EPG5: variants seen among roughly 807,000 people sequenced by gnomAD.
EPG5 encodes ectopic P granules protein 5 homolog.
A neutral mutation model predicts 302.7 loss-of-function variants in EPG5; 159 were observed. The observed-to-expected ratio is 0.53, with a 90% CI of 0.46 to 0.60. The LOEUF is 0.60. EPG5 is among the 20% of genes least tolerant of loss of function. EPG5 has a pLI of 0.00. For synonymous variants in EPG5, 1,158 were observed against 1,136.8 expected, an observed-to-expected ratio of 1.02 and a Z score of -0.37; for missense variants, 2,896 against 3,092.4, an observed-to-expected ratio of 0.94 and a Z score of 1.51.
intron 19 of EPG5, 143 bp from the exon 20 acceptor site, chr18:45,915,764 A>G (rs555072828): frequency 2.8e-5 from 21 of 749,078 alleles, no homozygotes; most frequent in African/African-American, 2.6e-4. Context: ...ACCAGCAGCA[A>G]TAGTCCAAGG....
At chr18:45,928,759 T>C (rs2050331331) in intron 13 of EPG5, 110 bp downstream of exon 13, 2 of 1,026,644 alleles carry the variant, frequency 1.9e-6, no homozygotes, top group Non-Finnish European at 2.8e-6. Context: ...CCTTTTATCC[T>C]GTTTATACCC....
intron 2 of EPG5, chr18:45,953,171 T>TA (rs1182108044): frequency 6.6e-4 from 349 of 529,752 alleles, no homozygotes; most frequent in Middle Eastern, 1.9e-3. Flanking sequence ...AGACTCCATC[T>TA]AAAAAAAAAG....
chr18:45,873,100 TTTC>T (rs2048904945), intron 35 of EPG5, among the ~76,000 whole-genome samples: 1 of 152,246 alleles, frequency 6.6e-6, no homozygotes, highest in African/African-American at 2.4e-5. Flanking sequence ...TCCTGTTTCC[TTTC>T]TTTGAACCCA....
In EPG5 at chr18:45,870,736, A is replaced by G. The variant is rs1327476156; in HGVS notation, c.6056T>C (p.Leu2019Pro). The G allele has an allele frequency of 5.0e-6, 8 of 1,600,490 alleles. No individual in the cohort carries two copies. The highest frequency in any genetic ancestry group is 6.8e-6 in the Non-Finnish European group (8 of 1,170,132). Residue 2019 changes from leucine to proline, a missense_variant, in exon 36 of 44, where the codon CTG (leucine) becomes CCG (proline). Physicochemically the swap from Leu to Pro is moderately conservative, Grantham distance 98. Transcript: ENST00000282041. ...DSLHESFKDK[L>P]LPGDAGALWL... The stretch of plus-strand genomic sequence containing the variant: ...AAGGGCTCCTGCATCACCTGGCAAC[A>G]GCTTATCTAGAATGTGAAAAGAAAA...
intron 25 of EPG5, among the ~76,000 whole-genome samples, chr18:45,903,118 T>C (rs529968707): frequency 6.6e-6 from 1 of 152,340 alleles, no homozygotes; most frequent in African/African-American, 2.4e-5. Context: ...CATATATTTC[T>C]TCTTCTTAAC....
chr18:45,921,780 G>C (rs1156247243), intron 16 of EPG5, among the ~76,000 whole-genome samples: 1 of 152,004 alleles, frequency 6.6e-6, no homozygotes. Flanking sequence ...CCTGGACATA[G>C]AGCAGGGAAC....
At chr18:45,871,183 C>A (rs1391112544) in intron 35 of EPG5, among the ~76,000 whole-genome samples, 1 of 152,176 alleles carries the variant, frequency 6.6e-6, no homozygotes, top group Admixed American at 6.5e-5. Context: ...AAGAAATGCT[C>A]AGCATCACTG....
chr18:45,963,786 A>C (rs1350308254), intron 1 of EPG5, among the ~76,000 whole-genome samples: 2 of 152,200 alleles, frequency 1.3e-5, no homozygotes, highest in Non-Finnish European at 2.9e-5. Flanking sequence ...GGTTTTGAGG[A>C]GAGTAACATG....
intron 13 of EPG5, among the ~76,000 whole-genome samples, chr18:45,927,590 TTA>T (rs1231714347): frequency 0.018 from 687 of 38,648 alleles, 6 homozygotes; most frequent in African/African-American, 0.06. Flanking sequence ...AAACAAAAAG[TTA>T]TACACACACA....
chr18:45,866,109 C>T (rs760351680), intron 38 of EPG5, among the ~76,000 whole-genome samples: 2 of 150,224 alleles, frequency 1.3e-5, no homozygotes, highest in Non-Finnish European at 2.9e-5. Context: ...CACTTTGAGA[C>T]AAGGTACTAT....
At chr18:45,892,558 T>A (rs1485094077) in intron 27 of EPG5, among the ~76,000 whole-genome samples, 4 of 152,138 alleles carry the variant, frequency 2.6e-5, no homozygotes, top group Non-Finnish European at 5.9e-5. Flanking sequence ...TGATAATAAA[T>A]CAATCCTGGG....
chr18:45,908,301 A>T (rs1295739670), intron 23 of EPG5, among the ~76,000 whole-genome samples: 1 of 152,130 alleles, frequency 6.6e-6, no homozygotes, highest in Non-Finnish European at 1.5e-5. Flanking sequence ...TGCTAAAACA[A>T]AAGGTATGAA....
At position 45,876,256 on chromosome 18, in the gene EPG5, G is replaced by A; in HGVS notation, c.6029C>T (p.Ser2010Leu). Residue 2010 changes from serine (S) to leucine (L), a missense_variant, in exon 35 of 44, where the codon TCA (serine) becomes TTA (leucine). Physicochemically the swap from Ser to Leu is moderately radical, Grantham distance 145. Around this residue, in one of 5 missense-constraint regions of EPG5, gnomAD observed 620 missense variants for 704.2 expected, o/e 0.88. Transcript: ENST00000282041. ...CCTACCTTTAAAACTCTCATGCAGT[G>A]AGTCAATACAGTCAGTGAACAGCTG... ...IVQLFTDCID[S>L]LHESFKDKLL... 6.2e-7 allele frequency: 1 copy of A among 1,613,300 alleles called. No individual in the cohort carries two copies. The highest frequency in any genetic ancestry group is 8.5e-7 in the Non-Finnish European group (1 of 1,179,274).
At chr18:45,839,394 C>A in the EPG5 span, among the ~76,000 whole-genome samples, 3 of 152,208 alleles carry the variant, frequency 2.0e-5, no homozygotes, top group African/African-American at 7.2e-5. Flanking sequence ...TGCTACCACC[C>A]GGTAAACGAT....
chr18:45,915,651 G>C lies in EPG5; in HGVS notation c.3583-30C>G, dbSNP rs376673752. 1.1e-5 allele frequency: 17 copies of C among 1,549,610 alleles called. No homozygotes were observed. In the South Asian group the frequency reaches 1.7e-4, roughly 15 times the overall value. On this transcript the variant is annotated intron_variant, in intron 19 of 43. Transcript: ENST00000282041. Reference sequence around the variant, plus strand: ...ACCGGGAGATGTGGAGCAGAGAGAGGAGGTTTTAAGGAAAATCTTATCAAT... The same window carrying C: ...ACCGGGAGATGTGGAGCAGAGAGAGCAGGTTTTAAGGAAAATCTTATCAAT...
At chr18:45,801,013 G>C in the EPG5 span, among the ~76,000 whole-genome samples, 2 of 152,070 alleles carry the variant, frequency 1.3e-5, no homozygotes, top group African/African-American at 4.8e-5. Flanking sequence ...TGTGTGTTTG[G>C]GTTTTTGTGT....
At chr18:45,818,267 TTG>T in the EPG5 span, among the ~76,000 whole-genome samples, 2,598 of 151,582 alleles carry the variant, frequency 0.017, 65 homozygotes, top group African/African-American at 0.06. Context: ...TTTTTTTTTT[TTG>T]TTTTCCTTTA....
chr18:45,825,753 G>A, the EPG5 span: 1 of 1,614,248 alleles, frequency 6.2e-7, no homozygotes, highest in Non-Finnish European at 8.5e-7. Flanking sequence ...CTGGCTGCTG[G>A]CCTGCTTGGC....
At chr18:45,952,736 C>T in intron 2 of EPG5, 93 bp from the exon 3 acceptor site, 1 of 1,328,420 alleles carries the variant, frequency 7.5e-7, no homozygotes, top group Non-Finnish European at 1.0e-6. Context: ...GGCTTCAGTA[C>T]CATCTTCAAA....
Sources: gnomAD v4.1 joint callset for allele counts (sites outside exome capture counted in the v4.1 genomes callset) on GRCh38, gnomAD v4.1.1 for gene constraint, gnomAD v4.1.1 regional missense constraint, MANE v1.5 for transcripts, NCBI Gene and HGNC (gene_info 2026-07-23, HGNC 2026-07-21) for gene names.